Variants in SLIT3 observed in about 807,000 individuals in gnomAD.
SLIT3 encodes slit guidance ligand 3, also known as slit homolog 3 protein.
A neutral mutation model predicts 184.0 loss-of-function variants in SLIT3; 68 were observed. That is an observed-to-expected ratio of 0.37 (90% confidence interval 0.30 to 0.45). The LOEUF is 0.45. SLIT3 is among the 20% of genes least tolerant of loss of function. The probability of loss-of-function intolerance (pLI) is 1.00; values close to 1 mark genes in which losing one functional copy is unlikely to be tolerated. For missense variants in SLIT3, 1,707 were observed against 2,026.0 expected (o/e 0.84, Z 3.02); for synonymous variants, 831 against 828.6 (o/e 1.00, Z -0.05).
chr5:168,937,456 C>T (rs1357972572), intron 4 of SLIT3, among the ~76,000 whole-genome samples: 3 of 152,124 alleles, frequency 2.0e-5, no homozygotes, highest in Non-Finnish European at 2.9e-5. Context: ...GTGGTGGCAG[C>T]CTGGCCTTCG....
intron 4 of SLIT3, among the ~76,000 whole-genome samples, chr5:168,901,543 A>G (rs77169072): frequency 0.011 from 1,674 of 152,272 alleles, 34 homozygotes; most frequent in African/African-American, 0.038. Flanking sequence ...CACCCCAACT[A>G]TTACTGATCC....
Position 169,059,209 on chromosome 5 carries a change from C to T in SLIT3, c.413+134270G>A, listed in dbSNP as rs190765161. On this transcript the variant is annotated intron_variant, in intron 4 of 35. Transcript: ENST00000519560. ...CCTGCAATTTCTTTGGCTGTGAAGA[C>T]CAAAAGAGAAGACCACAGAGATTCT... 5.3e-5 allele frequency among the ~76,000 whole-genome samples: 8 copies of T among 152,074 alleles called. No individual in the cohort carries two copies. The East Asian group carries it at 1.5e-3, about 29-fold the overall frequency.
intron 1 of SLIT3, among the ~76,000 whole-genome samples, chr5:169,264,785 T>C (rs538243156): frequency 1.4e-3 from 214 of 152,330 alleles, no homozygotes; most frequent in Non-Finnish European, 2.5e-3. Flanking sequence ...TTCGTTCTCA[T>C]CTGTTACATA....
chr5:169,023,363 G>C (rs1313333658), intron 4 of SLIT3, among the ~76,000 whole-genome samples: 1 of 151,932 alleles, frequency 6.6e-6, no homozygotes, highest in Non-Finnish European at 1.5e-5. Context: ...AATTTTTTTA[G>C]GACTGTATTC....
chr5:169,074,509 G>A (rs1449512896), intron 4 of SLIT3, among the ~76,000 whole-genome samples: 3 of 152,150 alleles, frequency 2.0e-5, no homozygotes, highest in Non-Finnish European at 2.9e-5. Flanking sequence ...AATAACTCAT[G>A]TATTCCTAAA....
At chr5:168,943,407 A>C (rs577951769) in intron 4 of SLIT3, among the ~76,000 whole-genome samples, 1 of 152,356 alleles carries the variant, frequency 6.6e-6, no homozygotes, top group East Asian at 1.9e-4. Flanking sequence ...GGTGAATCCA[A>C]ATAGTCAACT....
chr5:169,267,420 A>G (rs1466520550), intron 1 of SLIT3, among the ~76,000 whole-genome samples: 1 of 152,240 alleles, frequency 6.6e-6, no homozygotes, highest in Non-Finnish European at 1.5e-5. Flanking sequence ...GGCTCAGCAC[A>G]ATACCTGGCA....
intron 4 of SLIT3, among the ~76,000 whole-genome samples, chr5:168,918,081 C>T (rs897557544): frequency 1.3e-5 from 2 of 152,128 alleles, no homozygotes; most frequent in African/African-American, 4.8e-5. Flanking sequence ...CCTCTTCTCC[C>T]TCTCCCTTTT....
intron 4 of SLIT3, among the ~76,000 whole-genome samples, chr5:169,019,311 T>C (rs1416097561): frequency 2.0e-5 from 3 of 152,238 alleles, no homozygotes; most frequent in Admixed American, 6.5e-5. Context: ...CACAGCCTAG[T>C]TTGAAGTCTT....
intron 1 of SLIT3, among the ~76,000 whole-genome samples, chr5:169,268,692 C>T (rs1262076131): frequency 3.3e-5 from 5 of 152,220 alleles, no homozygotes; most frequent in Admixed American, 2.0e-4. Context: ...GGGCAAACCA[C>T]CCTTATCTGC....
chr5:168,765,043 C>G (rs376034149), intron 14 of SLIT3, among the ~76,000 whole-genome samples: 5 of 152,318 alleles, frequency 3.3e-5, no homozygotes, highest in African/African-American at 1.2e-4. Flanking sequence ...AGAGATTTTT[C>G]CTTCACAATG....
chr5:168,874,494 C>T (rs954706069), intron 5 of SLIT3, among the ~76,000 whole-genome samples: 5 of 152,220 alleles, frequency 3.3e-5, no homozygotes, highest in African/African-American at 1.2e-4. Context: ...CTCAACCTCT[C>T]CTTTTACGTA....
chr5:168,701,621 C>A (rs968577208), intron 26 of SLIT3, among the ~76,000 whole-genome samples: 4 of 152,334 alleles, frequency 2.6e-5, no homozygotes, highest in Non-Finnish European at 4.4e-5. Context: ...CAGGGAACAG[C>A]CCGACTCTTC....
At chr5:169,031,508 G>A (rs1436246832) in intron 4 of SLIT3, among the ~76,000 whole-genome samples, 1 of 152,194 alleles carries the variant, frequency 6.6e-6, no homozygotes, top group Non-Finnish European at 1.5e-5. Flanking sequence ...CAAACAGGAG[G>A]TCAGGGAATT....
chr5:168,950,458 TAGA>T (rs1762614702), intron 4 of SLIT3, among the ~76,000 whole-genome samples: 1 of 152,240 alleles, frequency 6.6e-6, no homozygotes, highest in Admixed American at 6.5e-5. Flanking sequence ...AACGTTTTCT[TAGA>T]AGGCCAGTCA....
intron 12 of SLIT3, among the ~76,000 whole-genome samples, chr5:168,775,683 T>C (rs1201898883): frequency 2.0e-5 from 3 of 152,188 alleles, no homozygotes; most frequent in African/African-American, 7.2e-5. Context: ...TATTAAGATG[T>C]ATAATAACTC....
intron 32 of SLIT3, among the ~76,000 whole-genome samples, chr5:168,679,699 A>G (rs1761523506): frequency 6.6e-6 from 1 of 152,134 alleles, no homozygotes; most frequent in Admixed American, 6.5e-5. Flanking sequence ...CAGCAAGCGG[A>G]GACCTCAGGC....
chr5:169,102,362 A>G (rs1211770695), intron 4 of SLIT3, among the ~76,000 whole-genome samples: 1 of 152,204 alleles, frequency 6.6e-6, no homozygotes, highest in East Asian at 1.9e-4. Context: ...GTTGTCCCTC[A>G]GTACCTGTGG....
intron 4 of SLIT3, among the ~76,000 whole-genome samples, chr5:169,143,658 G>A (rs759984492): frequency 2.1e-4 from 32 of 152,110 alleles, no homozygotes; most frequent in African/African-American, 5.6e-4. Context: ...AAAATTAGTC[G>A]GGCATTGTGG....
Sources: gnomAD v4.1 joint callset for allele counts (sites outside exome capture counted in the v4.1 genomes callset) on GRCh38, gnomAD v4.1.1 for gene constraint, MANE v1.5 for transcripts, NCBI Gene and HGNC (gene_info 2026-07-23, HGNC 2026-07-21) for gene names.